The following WDR36 variants were observed in gnomAD, a reference collection of about 807,000 sequenced individuals.
WDR36 encodes WD repeat domain 36, also known as WD repeat-containing protein 36.
Under a neutral mutation model 112.7 loss-of-function variants are expected in WDR36, and 63 were observed. The observed-to-expected ratio is 0.56, with a 90% CI of 0.46 to 0.69. WDR36 has a LOEUF of 0.69. Ranked by LOEUF, WDR36 falls within the 30% of genes least tolerant of loss-of-function variation. The probability of loss-of-function intolerance (pLI) is 0.00; values close to 1 mark genes in which losing one functional copy is unlikely to be tolerated. For missense variants in WDR36, 1,226 were observed against 1,070.3 expected, an observed-to-expected ratio of 1.15 and a Z score of -2.03; for synonymous variants, 410 against 362.2, an observed-to-expected ratio of 1.13 and a Z score of -1.50.
intron 4 of WDR36, among the ~76,000 whole-genome samples, chr5:111,099,451 GTT>G (rs796092518): frequency 0.059 from 3,263 of 55,294 alleles, 120 homozygotes; most frequent in African/African-American, 0.18. Flanking sequence ...GTTTTTTTTT[GTT>G]TTTTTTTTTG....
In WDR36 at chr5:111,104,799, C is replaced by G; in HGVS notation, c.1009C>G (p.Gln337Glu). Residue 337 changes from glutamine (Q) to glutamate (E), a missense_variant, in exon 9 of 23, where the codon CAG (glutamine) becomes GAG (glutamate). Gln to Glu is a conservative substitution (Grantham distance 29). Transcript: ENST00000513710. ...TNIRYYGQNG[Q>E]QILSASQDGT... The stretch of plus-strand genomic sequence containing the variant: ...TATCAGATATTATGGACAGAATGGA[C>G]AGCAGATTCTAAGTGCAAGTGAGCT... 1 of 1,611,032 alleles carries G rather than the reference C, an allele frequency of 6.2e-7. No individual in the cohort carries two copies. The highest frequency in any genetic ancestry group is 8.5e-7 in the Non-Finnish European group (1 of 1,177,702).
chr5:111,112,037 A>T (rs1382521461), intron 15 of WDR36, among the ~76,000 whole-genome samples: 3 of 151,920 alleles, frequency 2.0e-5, no homozygotes, highest in Non-Finnish European at 2.9e-5. Flanking sequence ...TTGAAGAAAA[A>T]AAACATGGTC....
At position 111,128,836 on chromosome 5, in the gene WDR36, TACTC is replaced by T. The variant is rs1351538306; in HGVS notation, c.*1955_*1958del. On this transcript the variant is annotated 3_prime_UTR_variant, in exon 23 of 23. Coordinates refer to ENST00000513710, the MANE Select transcript of WDR36 (RefSeq NM_139281.3). ...GTGCACACTCTTTCAGTTTTTTAAT[TACTC>T]ATGTAATATATGACTACATTTTGCT... is the stretch of plus-strand genomic sequence containing the variant. The T allele has an allele frequency of 1.1e-5, 2 of 186,202 alleles. No individual in the cohort carries two copies. Among genetic ancestry groups the T allele is most frequent in the Non-Finnish European group, 2.3e-5 (2 of 88,036 alleles). 11.5% of individuals were successfully genotyped at this position (186,202 alleles called of 1,614,324 possible).
chr5:111,102,321 T>G (rs764659330), intron 5 of WDR36, 24 bp from the exon 6 acceptor site: 19 of 1,592,662 alleles, frequency 1.2e-5, no homozygotes, highest in Non-Finnish European at 1.6e-5. Context: ...AAAATACAGC[T>G]TTCAACTATT....
At chr5:111,107,915 G>A (rs912295323) in intron 12 of WDR36, among the ~76,000 whole-genome samples, 4 of 151,304 alleles carry the variant, frequency 2.6e-5, no homozygotes, top group African/African-American at 7.3e-5. Context: ...AAATCAGGAA[G>A]TGTGACTTCT....
chr5:111,117,704 C>T (rs1753483431), intron 16 of WDR36, among the ~76,000 whole-genome samples: 1 of 152,112 alleles, frequency 6.6e-6, no homozygotes, highest in South Asian at 2.1e-4. Context: ...GATACTTCCT[C>T]ACACAGAACA....
At chr5:111,125,573 T>A (rs1320706025) in intron 21 of WDR36, 35 bp from the exon 22 acceptor site, 1 of 1,591,264 alleles carries the variant, frequency 6.3e-7, no homozygotes, top group African/African-American at 1.3e-5. Context: ...TAAATGATTA[T>A]AATCAAGTCA....
intron 15 of WDR36, 152 bp downstream of exon 15, chr5:111,111,430 A>G: frequency 1.5e-6 from 1 of 683,828 alleles, no homozygotes; most frequent in Admixed American, 2.6e-5. Flanking sequence ...ATTTTGAATT[A>G]AAAGTTTAAT....
At chr5:111,114,258 G>A (rs989159867) in intron 16 of WDR36, among the ~76,000 whole-genome samples, 1 of 152,094 alleles carries the variant, frequency 6.6e-6, no homozygotes, top group Non-Finnish European at 1.5e-5. Context: ...AGAATTGTGG[G>A]AATAGCAAAA....
At chr5:111,098,544 G>C (rs1036876590) in intron 3 of WDR36, among the ~76,000 whole-genome samples, 178 bp from the exon 4 acceptor site, 3 of 152,162 alleles carry the variant, frequency 2.0e-5, no homozygotes, top group Admixed American at 6.5e-5. Context: ...TGAGGGAGCA[G>C]ATGAACATGC....
Position 111,126,940 on chromosome 5 carries a change from T to C in WDR36, c.*57T>C. ...TATTAAATGGGTTCAATTGAACTCA[T>C]TTCTTATTTTCCAAGTGTCAATGTG... On this transcript the variant is annotated 3_prime_UTR_variant, in exon 23 of 23. Coordinates refer to ENST00000513710, the MANE Select transcript of WDR36 (RefSeq NM_139281.3). The C allele has an allele frequency of 6.9e-7, 1 of 1,459,140 alleles. No homozygotes were observed. Among genetic ancestry groups the C allele is most frequent in the Non-Finnish European group, 9.2e-7 (1 of 1,083,256 alleles). The allele number at this position is 1,459,140 out of a possible 1,614,324, so 90.4% of individuals were successfully genotyped here. A position where few individuals can be genotyped will look rare whatever the true frequency, so the allele number is the denominator to read the frequency against.
At position 111,105,390 on chromosome 5, in the gene WDR36, G is replaced by C. The variant is rs189880624; in HGVS notation, c.1093+30G>C. ...GTCCTCTACAAGACAAAATAAGCTG[G>C]TCACGAAAGAAACATTTCAACATTC... On this transcript the variant is annotated intron_variant, in intron 10 of 22. Coordinates refer to ENST00000513710, the MANE Select transcript of WDR36 (RefSeq NM_139281.3). 35 of 1,584,826 alleles carry C rather than the reference G, an allele frequency of 2.2e-5. No homozygotes were observed. The Admixed American group carries it at 3.4e-4, about 15-fold the overall frequency.
At chr5:111,106,183 G>A in intron 11 of WDR36, 40 bp downstream of exon 11, 1 of 1,502,156 alleles carries the variant, frequency 6.7e-7, no homozygotes, top group Non-Finnish European at 9.3e-7. Flanking sequence ...GTTCTCCTTT[G>A]TCATTTATTT....
chr5:111,114,689 T>C (rs1352207578), intron 16 of WDR36, among the ~76,000 whole-genome samples: 3 of 151,758 alleles, frequency 2.0e-5, no homozygotes, highest in Non-Finnish European at 1.5e-5. Context: ...ATTTCTTCAA[T>C]TAAAAAAACA....
intron 14 of WDR36, 60 bp downstream of exon 14, chr5:111,111,013 A>G: frequency 6.3e-7 from 1 of 1,594,974 alleles, no homozygotes. Flanking sequence ...TCATAAAGTC[A>G]CAATTTACCA....
intron 3 of WDR36, 149 bp downstream of exon 3, chr5:111,097,328 A>G (rs1284953938): frequency 1.5e-6 from 1 of 652,584 alleles, no homozygotes; most frequent in Non-Finnish European, 2.7e-6. Context: ...TTCTGGAGGA[A>G]GATAAATTTT....
intron 21 of WDR36, among the ~76,000 whole-genome samples, chr5:111,125,042 G>A (rs1753649920): frequency 6.6e-6 from 1 of 152,128 alleles, no homozygotes; most frequent in South Asian, 2.1e-4. Context: ...TTTTCCTAGG[G>A]TGCATATGAA....
chr5:111,126,970 G>GC lies in WDR36; in HGVS notation c.*87_*88insC. 1 of 1,283,024 alleles carries GC rather than the reference G, an allele frequency of 7.8e-7. No homozygotes were observed. Among genetic ancestry groups the GC allele is most frequent in the South Asian group, 1.5e-5 (1 of 65,692 alleles). The allele number at this position is 1,283,024 out of a possible 1,614,324, so 79.5% of individuals were successfully genotyped here. The stretch of plus-strand genomic sequence containing the variant: ...TATTTTCCAAGTGTCAATGTGAAAA[G>GC]AAAATAAATGCTAGCACTACTGACT... On this transcript the variant is annotated 3_prime_UTR_variant, in exon 23 of 23. Transcript: ENST00000513710.
intron 21 of WDR36, among the ~76,000 whole-genome samples, chr5:111,124,497 ATG>A (rs1276188077): frequency 2.0e-5 from 3 of 152,138 alleles, no homozygotes; most frequent in Non-Finnish European, 2.9e-5. Flanking sequence ...TGTGAATTAA[ATG>A]TAAAAGTTTT....
Sources: gnomAD v4.1 joint callset for allele counts (sites outside exome capture counted in the v4.1 genomes callset) on GRCh38, gnomAD v4.1.1 for gene constraint, MANE v1.5 for transcripts, NCBI Gene and HGNC (gene_info 2026-07-23, HGNC 2026-07-21) for gene names.